AFAP1L2: variants seen among roughly 807,000 people sequenced by gnomAD.
AFAP1L2 encodes the protein actin filament associated protein 1 like 2.
In AFAP1L2, 46 loss-of-function variants were observed where a neutral mutation model predicts 99.3. That is an observed-to-expected ratio of 0.46 (90% CI 0.37 to 0.59). The LOEUF (loss-of-function observed/expected upper bound fraction) is 0.59, where lower values mean the gene tolerates loss of function less well. Ranked by LOEUF, AFAP1L2 falls within the 20% of genes least tolerant of loss-of-function variation. AFAP1L2 has a pLI of 0.00. For missense variants in AFAP1L2, 959 were observed against 1,034.9 expected, an observed-to-expected ratio of 0.93 and a Z score of 1.01; for synonymous variants, 397 against 419.1, an observed-to-expected ratio of 0.95 and a Z score of 0.64.
chr10:114,312,148 T>C (rs1216288854), intron 7 of AFAP1L2, among the ~76,000 whole-genome samples: 1 of 150,468 alleles, frequency 6.6e-6, no homozygotes, highest in African/African-American at 2.5e-5. Flanking sequence ...GCGTGAGAGT[T>C]TGGGGAGGGA....
chr10:114,282,731 C>T, the AFAP1L2 span, among the ~76,000 whole-genome samples: 2 of 152,188 alleles, frequency 1.3e-5, no homozygotes, highest in African/African-American at 4.8e-5. Flanking sequence ...GTGCTCTTGA[C>T]TCCCTCAATG....
chr10:114,381,933 A>C (rs2055682164), intron 1 of AFAP1L2, among the ~76,000 whole-genome samples: 1 of 152,180 alleles, frequency 6.6e-6, no homozygotes, highest in African/African-American at 2.4e-5. Context: ...CTCATAAAAA[A>C]AGAAGTATAA....
At chr10:114,365,723 CTT>C (rs1243956682) in intron 1 of AFAP1L2, among the ~76,000 whole-genome samples, 1 of 108,382 alleles carries the variant, frequency 9.2e-6, no homozygotes, top group Non-Finnish European at 2.2e-5. Flanking sequence ...CTCTCTCTCT[CTT>C]TTTTTTTTTT....
intron 1 of AFAP1L2, among the ~76,000 whole-genome samples, chr10:114,402,480 A>C (rs1380139372): frequency 6.6e-6 from 1 of 152,142 alleles, no homozygotes; most frequent in East Asian, 1.9e-4. Context: ...TTTGAGTTGG[A>C]TTAGCCTCTG....
At chr10:114,296,731 C>T (rs2040289290) in intron 18 of AFAP1L2, 3 of 487,578 alleles carry the variant, frequency 6.2e-6, no homozygotes, top group East Asian at 4.3e-5. Context: ...GTGTGGAGGG[C>T]AAGAACTGAA....
At chr10:114,354,912 C>A (rs1256641825) in intron 1 of AFAP1L2, among the ~76,000 whole-genome samples, 1 of 152,170 alleles carries the variant, frequency 6.6e-6, no homozygotes, top group East Asian at 1.9e-4. Flanking sequence ...GACCAAAAAG[C>A]CTTTCTAAAT....
At chr10:114,325,370 G>T (rs2046098056) in intron 4 of AFAP1L2, among the ~76,000 whole-genome samples, 1 of 152,222 alleles carries the variant, frequency 6.6e-6, no homozygotes, top group African/African-American at 2.4e-5. Context: ...GTGTTGTCCT[G>T]AAAGCTGAGA....
intron 4 of AFAP1L2, among the ~76,000 whole-genome samples, chr10:114,328,620 C>T (rs1229986405): frequency 2.0e-5 from 3 of 152,182 alleles, no homozygotes; most frequent in African/African-American, 7.2e-5. Context: ...GTTTGTTGGC[C>T]ACGGTTGATG....
the AFAP1L2 span, among the ~76,000 whole-genome samples, chr10:114,283,008 A>G: frequency 1.3e-5 from 2 of 152,202 alleles, no homozygotes; most frequent in African/African-American, 4.8e-5. Flanking sequence ...TCAGTAGATA[A>G]TGCCCATGGA....
chr10:114,392,772 C>A (rs2057292210), intron 1 of AFAP1L2, among the ~76,000 whole-genome samples: 1 of 152,158 alleles, frequency 6.6e-6, no homozygotes, highest in South Asian at 2.1e-4. Flanking sequence ...AATCTATACG[C>A]ACAGACACAT....
chr10:114,305,518 GGTGCAGGT>G (rs2134220637), intron 10 of AFAP1L2, among the ~76,000 whole-genome samples: 2 of 145,502 alleles, frequency 1.4e-5, no homozygotes, highest in Admixed American at 6.8e-5. Flanking sequence ...TGCAGGAGGG[GGTGCAGGT>G]ACAGGAGGGG....
chr10:114,362,424 A>G (rs2052569834), intron 1 of AFAP1L2, among the ~76,000 whole-genome samples: 1 of 152,176 alleles, frequency 6.6e-6, no homozygotes, highest in African/African-American at 2.4e-5. Flanking sequence ...TGTAAGAGGA[A>G]GAAGAGGGAG....
intron 1 of AFAP1L2, among the ~76,000 whole-genome samples, chr10:114,362,623 G>A (rs1200325902): frequency 6.6e-6 from 1 of 152,150 alleles, no homozygotes; most frequent in Non-Finnish European, 1.5e-5. Flanking sequence ...GGAACCATAA[G>A]AGAATAAATT....
intron 5 of AFAP1L2, among the ~76,000 whole-genome samples, chr10:114,317,835 G>A (rs1271827937): frequency 6.6e-6 from 1 of 152,226 alleles, no homozygotes; most frequent in Non-Finnish European, 1.5e-5. Flanking sequence ...ACTCCAGCCT[G>A]CGCAACAGAG....
chr10:114,401,457 C>A (rs1308621187), intron 1 of AFAP1L2, among the ~76,000 whole-genome samples: 2 of 152,172 alleles, frequency 1.3e-5, no homozygotes, highest in Non-Finnish European at 2.9e-5. Flanking sequence ...AGGATGGGAA[C>A]CTTCTCAAAG....
intron 15 of AFAP1L2, 124 bp downstream of exon 15, chr10:114,300,070 C>G (rs1285938417): frequency 1.5e-6 from 2 of 1,346,308 alleles, no homozygotes; most frequent in Admixed American, 4.3e-5. Flanking sequence ...ACCTTGTGAT[C>G]GTGTGAGTCA....
Position 114,300,271 on chromosome 10 carries a change from C to A in AFAP1L2, c.1880G>T (p.Ser627Ile). 6.2e-7 allele frequency: 1 copy of A among 1,614,124 alleles called. No homozygotes were observed. The highest frequency in any genetic ancestry group is 8.5e-7 in the Non-Finnish European group (1 of 1,180,032). Residue 627 changes from serine to isoleucine, a missense_variant, in exon 15 of 19, where the codon AGC becomes ATC. By Grantham distance (142) the Ser-to-Ile change is moderately radical (BLOSUM62 -2). Transcript: ENST00000304129. The stretch of plus-strand genomic sequence containing the variant: ...GGTGGCCACCACGGCATCCGGGCAG[C>A]TCGGTGGGAAGGAGATTCTCTGCTG... ...TEQQRISFPP[S>I]CPDAVVATPP...
chr10:114,289,871 C>G, downstream of AFAP1L2: 1 of 340,482 alleles, frequency 2.9e-6, no homozygotes. Context: ...AATCCAGTGA[C>G]CTCCTCTTCA....
intron 1 of AFAP1L2, among the ~76,000 whole-genome samples, chr10:114,385,231 C>T (rs373794580): frequency 1.1e-4 from 17 of 152,134 alleles, no homozygotes; most frequent in African/African-American, 3.1e-4. Flanking sequence ...AAGCCAGGCA[C>T]ACAGAGAAGC....
Sources: allele counts gnomAD v4.1 joint callset (sites outside exome capture counted in the v4.1 genomes callset), GRCh38; gene constraint gnomAD v4.1.1; transcripts MANE v1.5; gene names NCBI Gene and HGNC (gene_info 2026-07-23, HGNC 2026-07-21).